GET4: variants seen among roughly 807,000 people sequenced by gnomAD.
GET4 encodes the protein Golgi to ER traffic protein 4 homolog.
Under a neutral mutation model 40.0 loss-of-function variants are expected in GET4, and 20 were observed. The observed-to-expected ratio is 0.50, with a 90% confidence interval of 0.35 to 0.73. The LOEUF (loss-of-function observed/expected upper bound fraction) is 0.73. Among genes scored for constraint, GET4 ranks in the 30% least tolerant of loss-of-function variants. The pLI is 0.01. For missense variants in GET4, 557 were observed against 454.0 expected (o/e 1.23, Z -2.06); for synonymous variants, 280 against 194.6 (o/e 1.44, Z -3.65).
chr7:878,224 T>C, intron 1 of GET4: 1 of 470,266 alleles, frequency 2.1e-6, no homozygotes, highest in Non-Finnish European at 4.4e-6. Context: ...CTGTGACCGC[T>C]TGGAAGTTCC....
In GET4 at chr7:891,020, G is replaced by A. The variant is rs1025327434; in HGVS notation, c.559G>A (p.Gly187Ser). 3.7e-6 allele frequency: 6 copies of A among 1,610,998 alleles called. No homozygotes were observed. The highest frequency in any genetic ancestry group is 4.2e-6 in the Non-Finnish European group (5 of 1,177,726). The stretch of plus-strand genomic sequence containing the variant: ...GCTGGTGGAGTATTCCACGTCCCGC[G>A]GCTTCCGCAGCGAGGTGGACATGTT... Reference protein sequence around the residue: ...NMLVEYSTSRGFRSEVDMFVA... With the variant: ...NMLVEYSTSRSFRSEVDMFVA... Residue 187 changes from glycine to serine, a missense_variant, in exon 5 of 9, where the codon GGC becomes AGC. Transcript: ENST00000265857.
At chr7:878,483 C>T (rs1002954634) in intron 1 of GET4, among the ~76,000 whole-genome samples, 3 of 151,876 alleles carry the variant, frequency 2.0e-5, no homozygotes, top group African/African-American at 4.8e-5. Context: ...GCCACAGGGC[C>T]GTGAATGTTT....
At chr7:888,007 T>A (rs953076231) in intron 4 of GET4, among the ~76,000 whole-genome samples, 2 of 152,142 alleles carry the variant, frequency 1.3e-5, no homozygotes, top group African/African-American at 2.4e-5. Context: ...TGGGTAGATA[T>A]TCATTGAGTG....
In GET4 at chr7:887,326, G is replaced by T. The variant is rs758178757; in HGVS notation, c.317-44G>T. On this transcript the variant is annotated intron_variant, in intron 3 of 8. Transcript: ENST00000265857. Reference sequence around the variant, plus strand: ...GTGGGGAATGTGGGACAGAGAGCCGGAGTGGCCGTGCGTTCCTCTGATGAG... The same window carrying T: ...GTGGGGAATGTGGGACAGAGAGCCGTAGTGGCCGTGCGTTCCTCTGATGAG... The T allele has an allele frequency of 2.6e-6, 4 of 1,555,480 alleles. No individual in the cohort carries two copies. The East Asian group carries it at 6.8e-5, about 26-fold the overall frequency.
chr7:895,244 G>A (rs2128630369), intron 8 of GET4, 90 bp from the exon 9 acceptor site: 1 of 671,868 alleles, frequency 1.5e-6, no homozygotes, highest in South Asian at 1.8e-5. Context: ...GGGACACTGG[G>A]ACACCTTGTG....
At chr7:889,000 G>A (rs1359345785) in intron 4 of GET4, among the ~76,000 whole-genome samples, 2 of 152,268 alleles carry the variant, frequency 1.3e-5, no homozygotes, top group Admixed American at 6.5e-5. Context: ...AGTGGGTGGC[G>A]TGGGACAGGT....
intron 1 of GET4, chr7:879,873 C>T (rs1296158468): frequency 6.6e-6 from 1 of 152,222 alleles, no homozygotes; most frequent in African/African-American, 2.4e-5. Context: ...GTGATAGCGC[C>T]TTCAACCCGA....
intron 1 of GET4, among the ~76,000 whole-genome samples, chr7:878,541 C>G (rs1844015802): frequency 6.6e-6 from 1 of 151,090 alleles, no homozygotes; most frequent in South Asian, 2.1e-4. Context: ...ACAGTTTGGG[C>G]CTGGTTTTCA....
intron 1 of GET4, chr7:883,637 T>C: frequency 1.0e-6 from 1 of 985,412 alleles, no homozygotes; most frequent in Non-Finnish European, 1.2e-6. Flanking sequence ...CGTCTGGGTG[T>C]CCACATGGCA....
At chr7:878,201 A>AC (rs1844007821) in intron 1 of GET4, 3 of 465,858 alleles carry the variant, frequency 6.4e-6, no homozygotes, top group Non-Finnish European at 1.3e-5. Context: ...GGTTAACTGC[A>AC]CGCCCCTCGG....
chr7:892,797 G>A (rs1464379747), intron 6 of GET4, among the ~76,000 whole-genome samples: 2 of 151,446 alleles, frequency 1.3e-5, no homozygotes, highest in Non-Finnish European at 1.5e-5. Context: ...GTGTATACAG[G>A]TGTGAGTGCA....
chr7:884,481 G>A (rs1844148482), intron 1 of GET4: 2 of 685,614 alleles, frequency 2.9e-6, no homozygotes, highest in East Asian at 1.4e-4. Context: ...CGGGGGTGCG[G>A]GGGCACTTTC....
intron 1 of GET4, chr7:883,680 C>G: frequency 1.0e-6 from 1 of 985,728 alleles, no homozygotes; most frequent in African/African-American, 1.7e-5. Context: ...AGAGCCGGGC[C>G]GGGAGAAGGC....
Position 895,510 on chromosome 7 carries a change from G to T in GET4, c.*88G>T. The T allele has an allele frequency of 1.5e-6, 1 of 657,624 alleles. No homozygotes were observed. Among genetic ancestry groups the T allele is most frequent in the Non-Finnish European group, 2.7e-6 (1 of 373,228 alleles). The allele number at this position is 657,624 out of a possible 1,614,324, so 40.7% of individuals were successfully genotyped here. ...GTCCTGGGTGGCTCCTCGCCTTGGG[G>T]GCTCCTGGCCCTGAGGCTGGCGGTG... On this transcript the variant is annotated 3_prime_UTR_variant, in exon 9 of 9. Coordinates refer to ENST00000265857, the MANE Select transcript of GET4 (RefSeq NM_015949.3).
chr7:892,837 G>A (rs567498083), intron 6 of GET4, among the ~76,000 whole-genome samples: 10 of 150,764 alleles, frequency 6.6e-5, no homozygotes, highest in Admixed American at 2.6e-4. Flanking sequence ...CAGGTGTTGC[G>A]TGTCTGGTGT....
rs901755399 is a variant in GET4 at position 887,717 on chromosome 7, G to C, written c.466+198G>C. Among the ~76,000 whole-genome samples, 3 of 152,342 alleles carry C rather than the reference G, an allele frequency of 2.0e-5. 1 individual carries two copies. The East Asian group carries it at 5.8e-4, about 29-fold the overall frequency. On this transcript the variant is annotated intron_variant, in intron 4 of 8. Transcript: ENST00000265857. ...CACTGCACCCGAGAAGCTGCGAGAA[G>C]GGGGGCAGGCGGCCGCCTCTCCAGG... is the stretch of plus-strand genomic sequence containing the variant.
At chr7:894,012 G>A (rs1844409019) in intron 8 of GET4, 41 bp downstream of exon 8, 3 of 1,404,206 alleles carry the variant, frequency 2.1e-6, no homozygotes, top group Non-Finnish European at 2.0e-6. Flanking sequence ...CCAGCCCTGG[G>A]TCGGTGTGGG....
At chr7:889,722 CG>C (rs1844274800) in intron 4 of GET4, among the ~76,000 whole-genome samples, 1 of 91,458 alleles carries the variant, frequency 1.1e-5, no homozygotes. Context: ...GGAGGGAGTG[CG>C]AGCGGGTGTT....
chr7:894,817 T>C (rs1018085338), intron 8 of GET4, among the ~76,000 whole-genome samples: 8 of 152,184 alleles, frequency 5.3e-5, no homozygotes, highest in Non-Finnish European at 2.9e-5. Flanking sequence ...AGCTTTGGCT[T>C]TGTACGTACA....
Sources: allele counts gnomAD v4.1 joint callset (sites outside exome capture counted in the v4.1 genomes callset), GRCh38; gene constraint gnomAD v4.1.1; transcripts MANE v1.5; gene names NCBI Gene and HGNC (gene_info 2026-07-23, HGNC 2026-07-21).